The following GABRB1 variants were observed in gnomAD, a reference collection of about 807,000 sequenced individuals.
The protein encoded by GABRB1 is gamma-aminobutyric acid receptor subunit beta-1.
GABRB1 carries 17 observed loss-of-function variants against 51.6 expected under a neutral mutation model. That is an observed-to-expected ratio of 0.33 (90% CI 0.23 to 0.49). GABRB1 has a LOEUF of 0.49. Ranked by LOEUF, GABRB1 falls within the 20% of genes least tolerant of loss-of-function variation. The probability of loss-of-function intolerance (pLI) is 0.99; values close to 1 mark genes in which losing one functional copy is unlikely to be tolerated. For synonymous variants in GABRB1, 247 were observed against 218.9 expected (o/e 1.13, Z -1.14); for missense variants, 410 against 600.6 (o/e 0.68, Z 3.32).
intron 5 of GABRB1, among the ~76,000 whole-genome samples, chr4:47,392,338 C>CT (rs5858067): frequency 0.082 from 10,757 of 130,810 alleles, 581 homozygotes; most frequent in South Asian, 0.15. Flanking sequence ...TCCCTTCCAC[C>CT]TTTTTTTTTT....
At chr4:47,006,995 C>A (rs1341909452) in intron 1 of GABRB1, among the ~76,000 whole-genome samples, 1 of 152,012 alleles carries the variant, frequency 6.6e-6, no homozygotes, top group Admixed American at 6.6e-5. Flanking sequence ...AAAAAATTAG[C>A]CAGGCATGGT....
Position 47,024,666 on chromosome 4 carries a change from C to T in GABRB1, c.-19-7248C>T, listed in dbSNP as rs138473480. 6.6e-5 allele frequency among the ~76,000 whole-genome samples: 10 copies of T among 151,554 alleles called. No individual in the cohort carries two copies. In the East Asian group the frequency reaches 1.9e-3, roughly 29 times the overall value. On this transcript the variant is annotated intron_variant, in intron 1 of 3. Coordinates refer to the GABRB1 transcript ENST00000513567. ...ATGATTTGTGAGATTTTGGTGCACC[C>T]ATCACCCGAGCAGTATACACTGAAC...
At chr4:47,112,761 A>C (rs1481816210) in intron 3 of GABRB1, among the ~76,000 whole-genome samples, 1 of 152,084 alleles carries the variant, frequency 6.6e-6, no homozygotes, top group African/African-American at 2.4e-5. Flanking sequence ...AATAAAAAAA[A>C]AAAATCCTGC....
chr4:47,045,380 C>T (rs1217191245), intron 3 of GABRB1, among the ~76,000 whole-genome samples: 1 of 151,886 alleles, frequency 6.6e-6, no homozygotes, highest in African/African-American at 2.4e-5. Flanking sequence ...TAGCATAGTT[C>T]CCTGACCCTG....
Position 47,327,190 on chromosome 4 carries a change from C to T in GABRB1, c.544+6981C>T, listed in dbSNP as rs73133971. ...TCTTTCATTTGTATAATTTTATATT[C>T]ATGTTTTAAGACCATCTCAGCTGGG... On this transcript the variant is annotated intron_variant, in intron 5 of 8. Coordinates refer to ENST00000295454, the MANE Select transcript of GABRB1 (RefSeq NM_000812.4). 7.5e-3 allele frequency among the ~76,000 whole-genome samples: 1,136 copies of T among 151,936 alleles called. 18 individuals carry two copies. The highest frequency in any genetic ancestry group is 0.026 in the African/African-American group (1,073 of 41,466).
intron 4 of GABRB1, among the ~76,000 whole-genome samples, chr4:47,185,499 G>T (rs1385814211): frequency 6.6e-6 from 1 of 151,654 alleles, no homozygotes; most frequent in Non-Finnish European, 1.5e-5. Flanking sequence ...AAATCCAAAG[G>T]TCAACATCCA....
intron 4 of GABRB1, among the ~76,000 whole-genome samples, chr4:47,215,863 C>G (rs1720533749): frequency 6.6e-6 from 1 of 152,060 alleles, no homozygotes; most frequent in Non-Finnish European, 1.5e-5. Flanking sequence ...TAGAAGCCAG[C>G]TCAGTCAAAT....
intron 4 of GABRB1, among the ~76,000 whole-genome samples, chr4:47,201,647 T>C (rs1719901121): frequency 6.6e-6 from 1 of 152,180 alleles, no homozygotes; most frequent in Non-Finnish European, 1.5e-5. Context: ...GGTGGGTATA[T>C]ATATGTTTTA....
intron 3 of GABRB1, among the ~76,000 whole-genome samples, chr4:47,048,062 A>T (rs1726177734): frequency 6.6e-6 from 1 of 152,144 alleles, no homozygotes; most frequent in South Asian, 2.1e-4. Context: ...ACCAGAAAGT[A>T]AATTTCTCTT....
At chr4:47,179,281 C>A (rs939560210) in intron 4 of GABRB1, among the ~76,000 whole-genome samples, 7 of 152,110 alleles carry the variant, frequency 4.6e-5, no homozygotes, top group Non-Finnish European at 8.8e-5. Flanking sequence ...CATGTCCCTG[C>A]AAAGGACATG....
intron 5 of GABRB1, among the ~76,000 whole-genome samples, chr4:47,371,750 C>T (rs1727205058): frequency 3.3e-5 from 5 of 152,120 alleles, no homozygotes; most frequent in Admixed American, 3.3e-4. Flanking sequence ...TGAGAAATGC[C>T]TGTTCATGTC....
intron 5 of GABRB1, among the ~76,000 whole-genome samples, chr4:47,367,388 G>C (rs1372883136): frequency 2.0e-5 from 3 of 152,296 alleles, no homozygotes; most frequent in Non-Finnish European, 4.4e-5. Flanking sequence ...AATTCAATAA[G>C]TAATTTATGG....
chr4:47,331,801 G>T (rs183112270), intron 5 of GABRB1, among the ~76,000 whole-genome samples: 29 of 152,218 alleles, frequency 1.9e-4, no homozygotes, highest in African/African-American at 5.8e-4. Context: ...ATTCCCCACT[G>T]ATTTCTCTCA....
chr4:47,208,774 G>A (rs1720238519), intron 4 of GABRB1, among the ~76,000 whole-genome samples: 1 of 151,922 alleles, frequency 6.6e-6, no homozygotes, highest in East Asian at 1.9e-4. Context: ...TTTTCCTGCT[G>A]GGCATGATTT....
At chr4:47,414,882 C>T (rs2110062606) in intron 8 of GABRB1, among the ~76,000 whole-genome samples, 1 of 152,314 alleles carries the variant, frequency 6.6e-6, no homozygotes, top group African/African-American at 2.4e-5. Flanking sequence ...CCCTATCTGT[C>T]AGCCTTTGAG....
chr4:47,212,570 T>C (rs1019100267), intron 4 of GABRB1, among the ~76,000 whole-genome samples: 1 of 152,072 alleles, frequency 6.6e-6, no homozygotes, highest in Non-Finnish European at 1.5e-5. Flanking sequence ...TCCCAGCTAC[T>C]AGGAAGGCTA....
intron 5 of GABRB1, among the ~76,000 whole-genome samples, chr4:47,343,855 A>G (rs1725991403): frequency 6.6e-6 from 1 of 152,222 alleles, no homozygotes. Context: ...ACTGGCTTCT[A>G]CAAGTGGTAG....
chr4:47,297,543 C>T (rs1020860990), intron 4 of GABRB1, among the ~76,000 whole-genome samples: 8 of 152,136 alleles, frequency 5.3e-5, no homozygotes, highest in South Asian at 2.1e-4. Context: ...ATACACCCTC[C>T]CAAGACTAAA....
chr4:47,240,555 A>G (rs1178453371), intron 4 of GABRB1, among the ~76,000 whole-genome samples: 2 of 152,206 alleles, frequency 1.3e-5, no homozygotes, highest in Non-Finnish European at 2.9e-5. Context: ...ATGGTACATA[A>G]TTACCCTCTT....
Sources: gnomAD v4.1 joint callset for allele counts (sites outside exome capture counted in the v4.1 genomes callset) on GRCh38, gnomAD v4.1.1 for gene constraint, MANE v1.5 for transcripts, NCBI Gene and HGNC (gene_info 2026-07-23, HGNC 2026-07-21) for gene names.